Variants in TUT4 observed in about 807,000 individuals in gnomAD.
TUT4 encodes the protein terminal uridylyl transferase 4, also known as terminal uridylyltransferase 4.
Under a neutral mutation model 192.2 loss-of-function variants are expected in TUT4, and 36 were observed. The ratio of observed to expected loss-of-function variants is 0.19; its 90% CI spans 0.14 to 0.25. The LOEUF is 0.25. Ranked by LOEUF, TUT4 falls within the 10% of genes least tolerant of loss-of-function variation. The pLI is 1.00. For missense variants in TUT4, 1,493 were observed against 1,957.2 expected (o/e 0.76, Z 4.47); for synonymous variants, 618 against 666.0 (o/e 0.93, Z 1.11).
chr1:52,450,038 T>G (rs1658889258), intron 20 of TUT4, among the ~76,000 whole-genome samples: 1 of 152,246 alleles, frequency 6.6e-6, no homozygotes, highest in Admixed American at 6.5e-5. Flanking sequence ...ATGTGAAAAT[T>G]TGCTTTTACT....
intron 29 of TUT4, 189 bp downstream of exon 29, chr1:52,425,159 TA>T: frequency 1.9e-6 from 1 of 539,966 alleles, no homozygotes; most frequent in Non-Finnish European, 3.0e-6. Context: ...GCTTTCCTAA[TA>T]AAGTGTGCAT....
At chr1:52,466,487 A>G (rs1329270916) in intron 15 of TUT4, among the ~76,000 whole-genome samples, 5 of 151,328 alleles carry the variant, frequency 3.3e-5, no homozygotes, top group African/African-American at 1.2e-4. Context: ...TACAAAAAAT[A>G]ATGTGCTGGG....
intron 19 of TUT4, 69 bp from the exon 20 acceptor site, chr1:52,458,518 T>A: frequency 8.4e-7 from 1 of 1,194,860 alleles, no homozygotes; most frequent in Non-Finnish European, 1.2e-6. Flanking sequence ...TTAAACATTC[T>A]GCCACATCAT....
chr1:52,477,003 TTTTTA>T (rs1271413490), intron 12 of TUT4, among the ~76,000 whole-genome samples: 1 of 152,214 alleles, frequency 6.6e-6, no homozygotes, highest in Admixed American at 6.5e-5. Context: ...TCAACATCAG[TTTTTA>T]TTTTTCTCCT....
chr1:52,456,564 A>G (rs1347679230), intron 20 of TUT4, among the ~76,000 whole-genome samples: 6 of 151,852 alleles, frequency 4.0e-5, no homozygotes, highest in Non-Finnish European at 7.4e-5. Context: ...ATTTAAACAC[A>G]TATCACTGAG....
chr1:52,477,433 G>A (rs1667392334), intron 12 of TUT4, among the ~76,000 whole-genome samples: 1 of 152,086 alleles, frequency 6.6e-6, no homozygotes, highest in African/African-American at 2.4e-5. Context: ...AATTAGCTGG[G>A]CATGGTAGCA....
rs139216986 is a variant in TUT4, at chr1:52,507,095, G to A, written c.999+2501C>T. On this transcript the variant is annotated intron_variant, in intron 4 of 29. Transcript: ENST00000257177. ...CATGAAGCACGAGGCTTTCCAGTCTGGATAGGAAGAAGTCCTGTATGAGCA... is the reference window on the plus strand; with the variant it reads ...CATGAAGCACGAGGCTTTCCAGTCTAGATAGGAAGAAGTCCTGTATGAGCA... 9.6e-4 allele frequency among the ~76,000 whole-genome samples: 146 copies of A among 152,304 alleles called. 1 individual carries two copies. Among genetic ancestry groups the A allele is most frequent in the African/African-American group, 3.3e-3 (139 of 41,580 alleles).
intron 2 of TUT4, among the ~76,000 whole-genome samples, chr1:52,517,267 G>C (rs1230762077): frequency 1.3e-5 from 2 of 151,982 alleles, no homozygotes; most frequent in African/African-American, 2.4e-5. Context: ...TAATGACCGG[G>C]GTCTTACTTT....
intron 19 of TUT4, chr1:52,460,900 T>C (rs1662369301): frequency 3.4e-6 from 1 of 296,842 alleles, no homozygotes; most frequent in Admixed American, 4.9e-5. Context: ...TGAGAAATGT[T>C]ACTGCTGAGA....
chr1:52,454,099 T>C (rs1660194975), intron 20 of TUT4, among the ~76,000 whole-genome samples: 1 of 152,170 alleles, frequency 6.6e-6, no homozygotes, highest in Non-Finnish European at 1.5e-5. Flanking sequence ...TGGAGAGATA[T>C]TCCATTATAA....
intron 1 of TUT4, among the ~76,000 whole-genome samples, chr1:52,527,939 G>T (rs1471216165): frequency 6.6e-6 from 1 of 152,138 alleles, no homozygotes; most frequent in African/African-American, 2.4e-5. Flanking sequence ...AGCACTTTGG[G>T]AGGCCGAGGT....
chr1:52,539,238 A>T (rs1685817899), intron 1 of TUT4, among the ~76,000 whole-genome samples: 1 of 152,232 alleles, frequency 6.6e-6, no homozygotes, highest in Non-Finnish European at 1.5e-5. Context: ...TATCAAGGAA[A>T]GTAGAGTTGA....
At chr1:52,488,510 G>C (rs1670350348) in intron 9 of TUT4, among the ~76,000 whole-genome samples, 1 of 152,160 alleles carries the variant, frequency 6.6e-6, no homozygotes, top group Non-Finnish European at 1.5e-5. Flanking sequence ...TTAGAGGAAA[G>C]AGAATAGCAT....
In TUT4 at chr1:52,431,023, C is replaced by T. The variant is rs746219907; in HGVS notation, c.4701G>A (p.Val1567=). 6.3e-7 allele frequency: 1 copy of T among 1,580,836 alleles called. No homozygotes were observed. The highest frequency in any genetic ancestry group is 1.8e-5 in the Admixed American group (1 of 57,088). Residue 1567 remains valine, a synonymous_variant, in exon 28 of 30, where the codon GTG becomes GTA. Coordinates refer to ENST00000257177, the MANE Select transcript of TUT4 (RefSeq NM_001009881.3). The part of the protein sequence containing the change: ...APNSLVNSGA[V]GNSEPGFRGL... ...AAAAGGAAAGGTTACCTGAATTCCC[C>T]ACTGCACCACTGTTTACCAGGGAAT...
intron 9 of TUT4, among the ~76,000 whole-genome samples, chr1:52,486,967 C>CA (rs1452238194): frequency 2.0e-5 from 3 of 151,816 alleles, no homozygotes; most frequent in Non-Finnish European, 4.4e-5. Flanking sequence ...TTTATGACCA[C>CA]AAAAAAAATT....
At chr1:52,430,496 T>C (rs1651721170) in intron 28 of TUT4, among the ~76,000 whole-genome samples, 1 of 152,152 alleles carries the variant, frequency 6.6e-6, no homozygotes, top group Non-Finnish European at 1.5e-5. Flanking sequence ...TTGGCCAGGC[T>C]GGTCTCGAAC....
At chr1:52,478,581 G>A (rs1316035878) in intron 11 of TUT4, among the ~76,000 whole-genome samples, 1 of 152,100 alleles carries the variant, frequency 6.6e-6, no homozygotes, top group Non-Finnish European at 1.5e-5. Context: ...GGGTCCATGC[G>A]GTGAATCCCT....
Position 52,474,967 on chromosome 1 carries a change from A to G in TUT4, c.2592T>C (p.Ser864=), listed in dbSNP as rs755920016. ...SNLETESSHQ[S]VCTDTSATSC... is the part of the protein sequence containing the mutation. Reference sequence around the variant, plus strand: ...AGGTAGCAGATGTGTCGGTGCACACACTCTGATGTGAACTCTCTGTTTCTA... The same window carrying G: ...AGGTAGCAGATGTGTCGGTGCACACGCTCTGATGTGAACTCTCTGTTTCTA... Residue 864 remains serine (S), a synonymous_variant, in exon 13 of 30, where the codon AGT becomes AGC. Transcript: ENST00000257177. The G allele has an allele frequency of 5.6e-6, 9 of 1,613,988 alleles. No individual in the cohort carries two copies. Among genetic ancestry groups the G allele is most frequent in the Admixed American group, 3.3e-5 (2 of 59,996 alleles).
chr1:52,438,380 T>G, intron 24 of TUT4, 45 bp from the exon 25 acceptor site: 1 of 1,393,242 alleles, frequency 7.2e-7, no homozygotes, highest in South Asian at 1.3e-5. Context: ...ACTATAAAAC[T>G]TTTGAATCCA....
Sources: allele counts gnomAD v4.1 joint callset (sites outside exome capture counted in the v4.1 genomes callset), GRCh38; gene constraint gnomAD v4.1.1; transcripts MANE v1.5; gene names NCBI Gene and HGNC (gene_info 2026-07-23, HGNC 2026-07-21).